Variants in RNF20 observed in about 807,000 individuals in gnomAD.
The protein encoded by RNF20 is E3 ubiquitin-protein ligase BRE1A.
A neutral mutation model predicts 126.2 loss-of-function variants in RNF20; 84 were observed. That is an observed-to-expected ratio of 0.67 (90% CI 0.56 to 0.80). The LOEUF is 0.80. Among genes scored for constraint, RNF20 ranks in the 30% least tolerant of loss-of-function variants. The pLI is 0.00. For synonymous variants in RNF20, 400 were observed against 414.3 expected (o/e 0.97, Z 0.42); for missense variants, 869 against 1,188.2 (o/e 0.73, Z 3.95).
intron 15 of RNF20, among the ~76,000 whole-genome samples, chr9:101,556,462 G>A (rs1195821102): frequency 6.6e-6 from 1 of 151,994 alleles, no homozygotes; most frequent in African/African-American, 2.4e-5. Context: ...ACTGTGACAT[G>A]TGATGGGACA....
chr9:101,557,641 C>G, intron 16 of RNF20, 45 bp downstream of exon 16: 1 of 1,400,428 alleles, frequency 7.1e-7, no homozygotes. Context: ...AAATAGGGTG[C>G]TTTCTACATG....
intron 18 of RNF20, 114 bp from the exon 19 acceptor site, chr9:101,561,796 C>T: frequency 1.3e-6 from 1 of 777,198 alleles, no homozygotes; most frequent in Non-Finnish European, 2.3e-6. Flanking sequence ...GATAATTGAC[C>T]ATAAAAGGAT....
chr9:101,550,584 C>G, intron 9 of RNF20, 22 bp from the exon 10 acceptor site: 1 of 1,602,922 alleles, frequency 6.2e-7, no homozygotes, highest in Non-Finnish European at 8.5e-7. Context: ...CTGCTTCTGA[C>G]TTTGCTTTGG....
Position 101,561,927 on chromosome 9 carries a change from T to A in RNF20, c.2667T>A (p.Leu889=). 1 of 1,613,034 alleles carries A rather than the reference T, an allele frequency of 6.2e-7. No individual in the cohort carries two copies. Among genetic ancestry groups the A allele is most frequent in the East Asian group, 2.2e-5 (1 of 44,858 alleles). ...FKRAQEDISR[L]RRKLETTKKP... ...TGCCACAGGAGGACATCTCTAGACT[T>A]CGCAGGAAGCTGGAGACCACAAAGA... The change falls in exon 19 of 20, where the codon CTT becomes CTA. Residue 889 remains leucine, a synonymous_variant. Transcript: ENST00000389120.
intron 2 of RNF20, among the ~76,000 whole-genome samples, chr9:101,535,852 C>A (rs1314223701): frequency 6.6e-6 from 1 of 152,136 alleles, no homozygotes; most frequent in Admixed American, 6.5e-5. Flanking sequence ...TTTTCATTCA[C>A]TGAAAAAGTC....
chr9:101,554,173 T>C, intron 14 of RNF20, 68 bp downstream of exon 14: 1 of 862,664 alleles, frequency 1.2e-6, no homozygotes, highest in Non-Finnish European at 1.9e-6. Flanking sequence ...CCTTTATACT[T>C]GCCAACGATA....
chr9:101,558,921 A>G (rs1361846567), intron 16 of RNF20, among the ~76,000 whole-genome samples: 1 of 152,050 alleles, frequency 6.6e-6, no homozygotes, highest in Non-Finnish European at 1.5e-5. Flanking sequence ...TCATCTATTT[A>G]TCATTTCTTT....
intron 6 of RNF20, among the ~76,000 whole-genome samples, chr9:101,545,723 G>A (rs1036906298): frequency 6.6e-6 from 1 of 152,148 alleles, no homozygotes; most frequent in Non-Finnish European, 1.5e-5. Flanking sequence ...TAAATAAACT[G>A]GAGTCTAGTA....
intron 9 of RNF20, 117 bp downstream of exon 9, chr9:101,547,635 A>G: frequency 8.4e-7 from 1 of 1,190,742 alleles, no homozygotes; most frequent in Non-Finnish European, 1.2e-6. Context: ...GACAAAATCC[A>G]ACATCCTTTT....
At chr9:101,543,456 A>AC (rs1358743646) in intron 5 of RNF20, among the ~76,000 whole-genome samples, 2 of 146,818 alleles carry the variant, frequency 1.4e-5, no homozygotes, top group African/African-American at 5.1e-5. Context: ...GCACTGTCTA[A>AC]CCTGCCAAGG....
At position 101,554,694 on chromosome 9, in the gene RNF20, T is replaced by A; in HGVS notation, c.2020T>A (p.Leu674Met). 6.2e-7 allele frequency: 1 copy of A among 1,610,762 alleles called. No homozygotes were observed. The highest frequency in any genetic ancestry group is 1.1e-5 in the South Asian group (1 of 90,674). The change falls in exon 15 of 20, where the codon TTG becomes ATG. Residue 674 changes from leucine to methionine, a missense_variant and splice_region_variant. Leu to Met is a conservative substitution (Grantham distance 15). This residue lies in a region of RNF20 where 231 missense variants were observed against 263.6 expected (regional missense o/e 0.88). Coordinates refer to ENST00000389120, the MANE Select transcript of RNF20 (RefSeq NM_019592.7). ...TTGTGCAATTCCTTTCCTCTTATAG[T>A]TGGAAGATCTAAGGCAAAGACTCAA... ...MAAEKKSKAE[L>M]EDLRQRLKDL... is the part of the protein sequence containing the mutation.
intron 2 of RNF20, among the ~76,000 whole-genome samples, chr9:101,537,940 G>T (rs897155147): frequency 1.3e-5 from 2 of 152,172 alleles, no homozygotes; most frequent in African/African-American, 2.4e-5. Context: ...GAAAAAGAGA[G>T]TAGAGACAAT....
chr9:101,551,684 C>A lies in RNF20; in HGVS notation c.1273C>A (p.Arg425=). The change falls in exon 11 of 20, where the codon CGA becomes AGA. Residue 425 remains arginine (R), a splice_region_variant and synonymous_variant. Transcript: ENST00000389120. ...THQHQVELIE[R]DEVSLHKKLR... is the part of the protein sequence containing the mutation. ...TATTGGTTCCTTTATCTGTGTGTAG[C>A]GAGATGAGGTTAGTCTTCATAAGAA... 7.2e-7 allele frequency: 1 copy of A among 1,386,718 alleles called. No homozygotes were observed. Among genetic ancestry groups the A allele is most frequent in the Non-Finnish European group, 9.5e-7 (1 of 1,057,666 alleles). The allele number at this position is 1,386,718 out of a possible 1,614,324, so 85.9% of individuals were successfully genotyped here. A position where few individuals can be genotyped will look rare whatever the true frequency, so the allele number is the denominator to read the frequency against.
chr9:101,546,433 G>A (rs1827348422), intron 6 of RNF20, among the ~76,000 whole-genome samples: 1 of 151,730 alleles, frequency 6.6e-6, no homozygotes, highest in South Asian at 2.1e-4. Flanking sequence ...GAAATTTGGG[G>A]GTAAAAATGG....
chr9:101,550,851 C>A, intron 10 of RNF20, 66 bp downstream of exon 10: 1 of 1,365,434 alleles, frequency 7.3e-7, no homozygotes, highest in Non-Finnish European at 1.0e-6. Flanking sequence ...AATTTTACTC[C>A]CTCATGTGCA....
In RNF20 at chr9:101,546,984, G is replaced by C; in HGVS notation, c.894+18G>C. 1 of 1,613,690 alleles carries C rather than the reference G, an allele frequency of 6.2e-7. No individual in the cohort carries two copies. The highest frequency in any genetic ancestry group is 8.5e-7 in the Non-Finnish European group (1 of 1,179,704). On this transcript the variant is annotated intron_variant, in intron 7 of 19. Transcript: ENST00000389120. ...TAGAACGGGTCAGTGCTGTTTTATG[G>C]CTTGGAGACTAGAATCATTTTAAGG... is the stretch of plus-strand genomic sequence containing the variant.
chr9:101,562,213 G>C (rs1270482740), intron 19 of RNF20, 33 bp from the exon 20 acceptor site: 1 of 1,596,512 alleles, frequency 6.3e-7, no homozygotes, highest in Non-Finnish European at 8.6e-7. Flanking sequence ...AAACTTTCAT[G>C]GTTGTTCAAA....
chr9:101,540,790 C>A lies in RNF20; in HGVS notation c.446-3C>A. On this transcript the variant is annotated splice_polypyrimidine_tract_variant and splice_region_variant and intron_variant, in intron 4 of 19. Coordinates refer to ENST00000389120, the MANE Select transcript of RNF20 (RefSeq NM_019592.7). ...GCTTCTTTTTTTCCCCCTGTGTCCT[C>A]AGGGGAAGGGCAAGAGCCAGCTTTC... 6.2e-7 allele frequency: 1 copy of A among 1,612,784 alleles called. No homozygotes were observed. The highest frequency in any genetic ancestry group is 8.5e-7 in the Non-Finnish European group (1 of 1,179,808).
intron 9 of RNF20, among the ~76,000 whole-genome samples, chr9:101,549,085 A>G (rs923563767): frequency 1.3e-5 from 2 of 152,206 alleles, no homozygotes; most frequent in Non-Finnish European, 2.9e-5. Context: ...CGGAGACGAG[A>G]GAGTGTAGAA....
Sources: gnomAD v4.1 joint callset for allele counts (sites outside exome capture counted in the v4.1 genomes callset) on GRCh38, gnomAD v4.1.1 for gene constraint, gnomAD v4.1.1 regional missense constraint, MANE v1.5 for transcripts, NCBI Gene and HGNC (gene_info 2026-07-23, HGNC 2026-07-21) for gene names.